The following LRRC7 variants were observed in gnomAD, a reference collection of about 807,000 sequenced individuals.
LRRC7 encodes the protein leucine-rich repeat-containing protein 7.
In LRRC7, 23 loss-of-function variants were observed where a neutral mutation model predicts 175.7. That is an observed-to-expected ratio of 0.13 (90% CI 0.09 to 0.19). The LOEUF is 0.19. LRRC7 is among the 10% of genes least tolerant of loss of function. The probability of loss-of-function intolerance (pLI) is 1.00; values close to 1 mark genes in which losing one functional copy is unlikely to be tolerated. For synonymous variants in LRRC7, 685 were observed against 680.9 expected (o/e 1.01, Z -0.09); for missense variants, 1,354 against 1,904.7 (o/e 0.71, Z 5.38).
rs1666310049 is a variant in LRRC7 at position 70,123,577 on chromosome 1, T to C, written c.*1690T>C. 1 of 152,228 alleles carries C rather than the reference T, an allele frequency of 6.6e-6. No individual in the cohort carries two copies. The allele number at this position is 152,228 out of a possible 1,614,324, so 9.4% of individuals were successfully genotyped here. A position where few individuals can be genotyped will look rare whatever the true frequency, so the allele number is the denominator to read the frequency against. On this transcript the variant is annotated 3_prime_UTR_variant, in exon 27 of 27. Coordinates refer to ENST00000651989, the MANE Select transcript of LRRC7 (RefSeq NM_001370785.2). ...GATGATGCACTAATTTTGATGTTGC[T>C]TTATGTCAGGGTGACATTATACCAT...
intron 1 of LRRC7, among the ~76,000 whole-genome samples, chr1:69,626,520 C>G (rs1371829839): frequency 6.6e-6 from 1 of 151,516 alleles, no homozygotes; most frequent in East Asian, 1.9e-4. Context: ...AGAAGTTTCA[C>G]TTTAGTGTAG....
chr1:69,666,292 G>T (rs1181722213), intron 1 of LRRC7, among the ~76,000 whole-genome samples: 2 of 151,892 alleles, frequency 1.3e-5, no homozygotes, highest in East Asian at 3.9e-4. Flanking sequence ...TTTCTCTATT[G>T]ATGTATCTTT....
intron 2 of LRRC7, among the ~76,000 whole-genome samples, chr1:69,730,536 C>A (rs1255741280): frequency 6.6e-6 from 1 of 152,138 alleles, no homozygotes; most frequent in African/African-American, 2.4e-5. Context: ...CCATCTGAGA[C>A]CACCTCATCC....
intron 2 of LRRC7, among the ~76,000 whole-genome samples, chr1:69,688,673 A>G (rs1347794633): frequency 1.3e-5 from 2 of 151,408 alleles, no homozygotes; most frequent in Non-Finnish European, 2.9e-5. Flanking sequence ...AGCCTTAGGA[A>G]AATACTCCCT....
intron 7 of LRRC7, among the ~76,000 whole-genome samples, chr1:69,847,473 T>A (rs1382199283): frequency 6.6e-6 from 1 of 152,136 alleles, no homozygotes; most frequent in Admixed American, 6.6e-5. Flanking sequence ...TCAAATGGAA[T>A]ATTCACCACA....
chr1:69,903,008 C>T (rs1000307493), intron 7 of LRRC7, among the ~76,000 whole-genome samples: 2 of 152,064 alleles, frequency 1.3e-5, no homozygotes, highest in African/African-American at 4.8e-5. Context: ...GATAGTTGTC[C>T]TTTTATATTT....
chr1:69,975,037 T>A (rs1652669293), intron 8 of LRRC7, among the ~76,000 whole-genome samples: 1 of 152,228 alleles, frequency 6.6e-6, no homozygotes, highest in Non-Finnish European at 1.5e-5. Flanking sequence ...CCTTATTATG[T>A]TCTTAAATAG....
chr1:69,939,859 A>G (rs1305518271), intron 8 of LRRC7, among the ~76,000 whole-genome samples: 1 of 152,088 alleles, frequency 6.6e-6, no homozygotes. Flanking sequence ...TTAACTCTAA[A>G]CAATAGTAGA....
chr1:69,663,363 G>A (rs939929375), intron 1 of LRRC7, among the ~76,000 whole-genome samples: 5 of 152,082 alleles, frequency 3.3e-5, no homozygotes, highest in African/African-American at 4.8e-5. Context: ...CATAGTAGAT[G>A]TATATATTTA....
At chr1:69,781,932 GAA>G (rs755834892) in intron 3 of LRRC7, among the ~76,000 whole-genome samples, 1 of 144,730 alleles carries the variant, frequency 6.9e-6, no homozygotes, top group African/African-American at 2.6e-5. Context: ...AAGAAAGAAA[GAA>G]AGAAAGAGAA....
chr1:69,732,100 C>T (rs916532892), intron 2 of LRRC7, among the ~76,000 whole-genome samples: 4 of 151,640 alleles, frequency 2.6e-5, no homozygotes, highest in Non-Finnish European at 5.9e-5. Context: ...AACAGACTCT[C>T]GATTAAAAAA....
At chr1:69,573,661 A>G (rs958248982) in intron 1 of LRRC7, among the ~76,000 whole-genome samples, 1 of 152,196 alleles carries the variant, frequency 6.6e-6, no homozygotes, top group African/African-American at 2.4e-5. Flanking sequence ...TATTATTCAT[A>G]ATAGAAACAT....
At chr1:70,042,383 C>T (rs1659983933) in intron 21 of LRRC7, among the ~76,000 whole-genome samples, 1 of 152,128 alleles carries the variant, frequency 6.6e-6, no homozygotes, top group African/African-American at 2.4e-5. Flanking sequence ...GTCATTTGAA[C>T]CCTCAAAATC....
chr1:69,926,038 C>G (rs1288668438), intron 7 of LRRC7, among the ~76,000 whole-genome samples: 5 of 151,976 alleles, frequency 3.3e-5, no homozygotes, highest in Admixed American at 3.3e-4. Flanking sequence ...ATCTTTATTT[C>G]TGCCTTCATT....
chr1:69,863,262 G>A (rs1684553639), intron 7 of LRRC7, among the ~76,000 whole-genome samples: 1 of 152,092 alleles, frequency 6.6e-6, no homozygotes. Context: ...GGTCTTTGAT[G>A]ACCCTCCAAT....
rs938406579 is a variant in LRRC7 at position 69,736,727 on chromosome 1, C to A, written c.101-23464C>A. 7.9e-5 allele frequency among the ~76,000 whole-genome samples: 12 copies of A among 152,252 alleles called. No individual in the cohort carries two copies. In the South Asian group the frequency reaches 1.7e-3, roughly 21 times the overall value. ...GGGCTTTGGGACTTTGCTGCCTTAT[C>A]TGAGGAAAGGGGACCAGGCTGCGGG... is the stretch of plus-strand genomic sequence containing the variant. On this transcript the variant is annotated intron_variant, in intron 2 of 26. Transcript: ENST00000651989.
intron 4 of LRRC7, among the ~76,000 whole-genome samples, chr1:69,803,929 A>G (rs960403072): frequency 1.3e-5 from 2 of 151,144 alleles, no homozygotes; most frequent in African/African-American, 2.4e-5. Flanking sequence ...AGGTTTTTCT[A>G]CTTTATTAAT....
chr1:69,713,445 G>A (rs938667103), intron 2 of LRRC7, among the ~76,000 whole-genome samples: 6 of 152,036 alleles, frequency 3.9e-5, no homozygotes, highest in African/African-American at 9.7e-5. Flanking sequence ...CCAGTGAGCC[G>A]TGATTGTGCC....
Position 69,618,276 on chromosome 1 carries a change from C to A in LRRC7, c.2+49635C>A, listed in dbSNP as rs184575517. 2.5e-3 allele frequency among the ~76,000 whole-genome samples: 383 copies of A among 152,280 alleles called. 3 individuals carry two copies. Among genetic ancestry groups the A allele is most frequent in the African/African-American group, 8.7e-3 (363 of 41,566 alleles). On this transcript the variant is annotated intron_variant, in intron 1 of 26. Transcript: ENST00000651989. ...ATTCATAGCCCGCATCTGGCTCATG[C>A]AAGTATTGAGGCCAGAGAGTTATAT...
Sources: gnomAD v4.1 joint callset for allele counts (sites outside exome capture counted in the v4.1 genomes callset) on GRCh38, gnomAD v4.1.1 for gene constraint, MANE v1.5 for transcripts, NCBI Gene and HGNC (gene_info 2026-07-23, HGNC 2026-07-21) for gene names.